The following NEK9 variants were observed in gnomAD, a reference collection of about 807,000 sequenced individuals.
The protein encoded by NEK9 is serine/threonine-protein kinase Nek9.
In NEK9, 75 loss-of-function variants were observed where a neutral mutation model predicts 123.4. That is an observed-to-expected ratio of 0.61 (90% CI 0.50 to 0.74). NEK9 has a LOEUF of 0.74. NEK9 is among the 30% of genes least tolerant of loss of function. NEK9 has a pLI of 0.00. For missense variants in NEK9, 952 were observed against 1,214.4 expected (o/e 0.78, Z 3.21); for synonymous variants, 438 against 458.7 (o/e 0.95, Z 0.58).
chr14:75,082,087 GTC>G lies in NEK9; in HGVS notation c.*2475_*2476del, dbSNP rs1893881749. The G allele has an allele frequency of 6.6e-6, 1 of 152,140 alleles. No homozygotes were observed. Among genetic ancestry groups the G allele is most frequent in the African/African-American group, 2.4e-5 (1 of 41,446 alleles). 9.4% of individuals were successfully genotyped at this position (152,140 alleles called of 1,614,324 possible). ...GGATGTTTTATCCCCAGAGACTAAG[GTC>G]CATGCACAGGCTTACTGAAGCACAG... On this transcript the variant is annotated 3_prime_UTR_variant, in exon 22 of 22. Transcript: ENST00000238616.
At chr14:75,126,208 C>A (rs1036113455) in intron 1 of NEK9, among the ~76,000 whole-genome samples, 6 of 152,292 alleles carry the variant, frequency 3.9e-5, no homozygotes, top group Middle Eastern at 3.4e-3. Context: ...GTGATCACTG[C>A]TGAACTTAAA....
At chr14:75,090,653 C>A (rs182683783) in intron 19 of NEK9, among the ~76,000 whole-genome samples, 2 of 151,988 alleles carry the variant, frequency 1.3e-5, no homozygotes, top group East Asian at 3.9e-4. Context: ...CTCACTTCAG[C>A]CTCGACTTCC....
intron 3 of NEK9, chr14:75,120,872 C>A: frequency 3.2e-6 from 2 of 617,332 alleles, no homozygotes; most frequent in South Asian, 1.8e-5. Context: ...CTGGGCATAC[C>A]AGTACGCAGT....
At position 75,104,000 on chromosome 14, in the gene NEK9, G is replaced by C. The variant is rs774574669; in HGVS notation, c.1576-3C>G. On this transcript the variant is annotated splice_polypyrimidine_tract_variant and splice_region_variant and intron_variant, in intron 13 of 21. Coordinates refer to ENST00000238616, the MANE Select transcript of NEK9 (RefSeq NM_033116.6). ...ATCAAGGCCTTGGGAACATCCACCT[G>C]CAAGAAAAAAATCAGAAAAAGAAAT... The C allele has an allele frequency of 1.3e-6, 2 of 1,596,202 alleles. No individual in the cohort carries two copies. Among genetic ancestry groups the C allele is most frequent in the South Asian group, 2.3e-5 (2 of 87,492 alleles).
intron 21 of NEK9, chr14:75,086,458 G>A (rs1894026898): frequency 6.5e-6 from 1 of 153,752 alleles, no homozygotes. Context: ...TGGTTGTTCA[G>A]GAGAATGTCT....
chr14:75,101,555 A>G, intron 15 of NEK9, 102 bp downstream of exon 15: 1 of 681,166 alleles, frequency 1.5e-6, no homozygotes, highest in South Asian at 2.4e-5. Flanking sequence ...CTAGATTTTC[A>G]GGGGAAATCG....
intron 21 of NEK9, among the ~76,000 whole-genome samples, chr14:75,086,178 G>T (rs1189689874): frequency 1.3e-5 from 2 of 148,862 alleles, no homozygotes; most frequent in Non-Finnish European, 3.0e-5. Flanking sequence ...AACAGAGTGA[G>T]ACTGTCTCAA....
chr14:75,087,592 G>C (rs1267793935), intron 20 of NEK9, among the ~76,000 whole-genome samples: 1 of 152,188 alleles, frequency 6.6e-6, no homozygotes, highest in Non-Finnish European at 1.5e-5. Context: ...AGACCCAAAG[G>C]GTCAATATTC....
At chr14:75,109,657 T>G in intron 10 of NEK9, 28 bp downstream of exon 10, 1 of 1,598,492 alleles carries the variant, frequency 6.3e-7, no homozygotes. Flanking sequence ...CTTACAGCAC[T>G]GTTCCAAAAT....
chr14:75,119,294 C>G (rs1159418469), intron 4 of NEK9, among the ~76,000 whole-genome samples: 1 of 151,856 alleles, frequency 6.6e-6, no homozygotes, highest in Non-Finnish European at 1.5e-5. Context: ...GCCTGGGCAA[C>G]AGGGTGAGAC....
rs36014869 is a variant in NEK9 at position 75,088,602 on chromosome 14, G to T, written c.2482C>A (p.Pro828Thr). Residue 828 changes from proline (P) to threonine (T), a missense_variant, in exon 20 of 22, where the codon CCA (proline) becomes ACA (threonine). Pro to Thr is a conservative substitution (Grantham distance 38). Around this residue, in one of 4 missense-constraint regions of NEK9, gnomAD observed 698 missense variants for 875.6 expected, o/e 0.80. Coordinates refer to ENST00000238616, the MANE Select transcript of NEK9 (RefSeq NM_033116.6). ...NAEFIPMPDS[P>T]SPLSAAFSES... ...GAAAACGCTGCACTGAGAGGAGATG[G>T]GCTGTCAGGCATGGGGATAAATTCT... The T allele has an allele frequency of 1.3e-3, 2,172 of 1,613,924 alleles. 48 individuals carry two copies. The East Asian group carries it at 0.042, about 31-fold the overall frequency.
chr14:75,122,492 G>A (rs28626045), intron 2 of NEK9, among the ~76,000 whole-genome samples: 1 of 151,778 alleles, frequency 6.6e-6, no homozygotes, highest in Non-Finnish European at 1.5e-5. Context: ...AACAATCCTA[G>A]AAAGTAGGTA....
chr14:75,126,857 G>T lies in NEK9; in HGVS notation c.65C>A (p.Ser22Tyr), dbSNP rs375237057. The T allele has an allele frequency of 6.5e-6, 10 of 1,530,710 alleles. No homozygotes were observed. In the African/African-American group the frequency reaches 1.4e-4, roughly 22 times the overall value. 94.8% of individuals were successfully genotyped at this position (1,530,710 alleles called of 1,614,324 possible). Reference protein sequence around the residue: ...DSINSDFGSESGGCGDSSPGP... With the variant: ...DSINSDFGSEYGGCGDSSPGP... The stretch of plus-strand genomic sequence containing the variant: ...CGGACTCGAGTCCCCGCAACCCCCG[G>T]ACTCGCTCCCAAAGTCCGAGTTGAT... The change falls in exon 1 of 22, where the codon TCC (serine) becomes TAC (tyrosine). Residue 22 changes from serine (S) to tyrosine (Y), a missense_variant. Around this residue, in one of 4 missense-constraint regions of NEK9, gnomAD observed 120 missense variants for 97.6 expected, o/e 1.23. Transcript: ENST00000238616.
In NEK9 at chr14:75,106,580, G is replaced by A. The variant is rs752804838; in HGVS notation, c.1450C>T (p.Gln484Ter). 6 of 1,613,872 alleles carry A rather than the reference G, an allele frequency of 3.7e-6. No individual in the cohort carries two copies. The African/African-American group carries it at 6.7e-5, about 18-fold the overall frequency. The change falls in exon 12 of 22, where the codon CAG becomes TAG. Residue 484 changes from glutamine to a stop codon, truncating the protein, a stop_gained. Transcript: ENST00000238616. LOFTEE classifies it high-confidence loss of function. ...ACATGATTATCTCCACAGGAGACCT[G>A]CTCCACTGGATTGCTGAGGAAGAAG... is the stretch of plus-strand genomic sequence containing the variant. ...LNFFLSNPVE[Q>*]VSCGDNHVVV...
At position 75,126,946 on chromosome 14, in the gene NEK9, C is replaced by T. The variant is rs929037297; in HGVS notation, c.-25G>A. On this transcript the variant is annotated 5_prime_UTR_variant, in exon 1 of 22. Transcript: ENST00000238616. ...TGGCGGCGGCCGCGGGCCTTGGGGA[C>T]CAGCCTGCGTATGCCCGGAGGCCCT... is the stretch of plus-strand genomic sequence containing the variant. The T allele has an allele frequency of 1.4e-6, 2 of 1,440,392 alleles. No individual in the cohort carries two copies. The highest frequency in any genetic ancestry group is 3.0e-5 in the East Asian group (1 of 32,902). The allele number at this position is 1,440,392 out of a possible 1,614,324, so 89.2% of individuals were successfully genotyped here. A position where few individuals can be genotyped will look rare whatever the true frequency, so the allele number is the denominator to read the frequency against.
chr14:75,089,239 A>AT (rs572058058), intron 19 of NEK9, among the ~76,000 whole-genome samples: 2 of 150,522 alleles, frequency 1.3e-5, no homozygotes, highest in Non-Finnish European at 3.0e-5. Context: ...GCTAATTATT[A>AT]TTTTTTTGAG....
rs754135854 is a variant in NEK9, at chr14:75,109,694, G to A, written c.1173C>T (p.Tyr391=). The A allele has an allele frequency of 9.9e-6, 16 of 1,613,158 alleles. No individual in the cohort carries two copies. The East Asian group carries it at 3.3e-4, about 34-fold the overall frequency. Residue 391 remains tyrosine, a synonymous_variant, in exon 10 of 22, where the codon TAC becomes TAT. Coordinates refer to ENST00000238616, the MANE Select transcript of NEK9 (RefSeq NM_033116.6). The stretch of plus-strand genomic sequence containing the variant: ...CTTAGCGTTCACTTACCACCCAAGT[G>A]TACAGTTCCTTCTCCACTGTGACCA... ...FAVVTVEKEL[Y]TWVNMQGGTK...
chr14:75,126,975 C>A lies in NEK9; in HGVS notation c.-54G>T, dbSNP rs541257044. 967 of 1,356,108 alleles carry A rather than the reference C, an allele frequency of 7.1e-4. 6 individuals are homozygous for A. The African/African-American group carries it at 0.014, about 19-fold the overall frequency. 84.0% of individuals were successfully genotyped at this position (1,356,108 alleles called of 1,614,324 possible). Reference sequence around the variant, plus strand: ...CCTGCGTATGCCCGGAGGCCCTGGCCGCGCTGCGTCCCGCTCGCTTCAGAT... The same window carrying A: ...CCTGCGTATGCCCGGAGGCCCTGGCAGCGCTGCGTCCCGCTCGCTTCAGAT... On this transcript the variant is annotated 5_prime_UTR_variant, in exon 1 of 22. Transcript: ENST00000238616.
At chr14:75,105,822 C>CA (rs1330216483) in intron 13 of NEK9, 128 bp downstream of exon 13, 6 of 701,590 alleles carry the variant, frequency 8.6e-6, no homozygotes, top group Non-Finnish European at 1.4e-5. Flanking sequence ...CCTAAATTGT[C>CA]AGTCTCCCAA....
Sources: gnomAD v4.1 joint callset for allele counts (sites outside exome capture counted in the v4.1 genomes callset) on GRCh38, gnomAD v4.1.1 for gene constraint, gnomAD v4.1.1 regional missense constraint, MANE v1.5 for transcripts, NCBI Gene and HGNC (gene_info 2026-07-23, HGNC 2026-07-21) for gene names.